Variants in FAT4 observed in about 807,000 individuals in gnomAD.
The protein encoded by FAT4 is FAT atypical cadherin 4.
In FAT4, 84 loss-of-function variants were observed where a neutral mutation model predicts 303.9. The observed-to-expected ratio is 0.28, with a 90% CI of 0.23 to 0.33. FAT4 has a LOEUF of 0.33. Ranked by LOEUF, FAT4 falls within the 10% of genes least tolerant of loss-of-function variation. The probability of loss-of-function intolerance (pLI) is 1.00; values close to 1 mark genes in which losing one functional copy is unlikely to be tolerated. For missense variants in FAT4, 6,005 were observed against 6,146.8 expected (o/e 0.98, Z 0.77); for synonymous variants, 2,307 against 2,298.8 (o/e 1.00, Z -0.10).
rs567423522 is a variant in FAT4, at chr4:125,395,458, C to T, written c.5176-3326C>T. Among the ~76,000 whole-genome samples the T allele has an allele frequency of 1.4e-4, 21 of 152,064 alleles. No individual in the cohort carries two copies. The South Asian group carries it at 2.9e-3, about 21-fold the overall frequency. On this transcript the variant is annotated intron_variant, in intron 2 of 17. Transcript: ENST00000394329. ...CTGAGTAGCTGGGATTACAGGTGCA[C>T]GCCACCACGCCCAACTAATTTTTGT...
In FAT4 at chr4:125,451,779, A is replaced by G; in HGVS notation, c.10769A>G (p.Asp3590Gly). 6.2e-7 allele frequency: 1 copy of G among 1,614,178 alleles called. No homozygotes were observed. Among genetic ancestry groups the G allele is most frequent in the Non-Finnish European group, 8.5e-7 (1 of 1,180,020 alleles). Residue 3590 changes from aspartate to glycine, a missense_variant, in exon 10 of 18, where the codon GAT becomes GGT. Transcript: ENST00000394329. ...ADFYLSVVTK[D>G]SGVPQMSSTG... ...TTCTATCTGTCTGTGGTTACCAAGGATTCTGGTGTTCCTCAAATGTCTTCC... is the reference window on the plus strand; with the variant it reads ...TTCTATCTGTCTGTGGTTACCAAGGGTTCTGGTGTTCCTCAAATGTCTTCC...
intron 2 of FAT4, among the ~76,000 whole-genome samples, chr4:125,360,861 T>A (rs919199128): frequency 4.0e-5 from 6 of 150,524 alleles, no homozygotes; most frequent in Non-Finnish European, 8.9e-5. Context: ...ATTTCACAAA[T>A]TCTGGGATAA....
intron 2 of FAT4, among the ~76,000 whole-genome samples, chr4:125,333,948 C>T (rs1478557617): frequency 6.6e-6 from 1 of 152,090 alleles, no homozygotes; most frequent in Non-Finnish European, 1.5e-5. Flanking sequence ...AAGGTCAGAG[C>T]TCTAGGATGG....
At chr4:125,378,846 C>A (rs1167719637) in intron 2 of FAT4, among the ~76,000 whole-genome samples, 1 of 152,126 alleles carries the variant, frequency 6.6e-6, no homozygotes, top group Non-Finnish European at 1.5e-5. Flanking sequence ...AGGAAGTGCA[C>A]TGAACTGAGA....
intron 7 of FAT4, among the ~76,000 whole-genome samples, chr4:125,423,903 T>C (rs1724994086): frequency 6.6e-6 from 1 of 152,240 alleles, no homozygotes; most frequent in Non-Finnish European, 1.5e-5. Flanking sequence ...CAGGGGCCTG[T>C]AGCCCCTTCA....
At chr4:125,397,331 G>A (rs1734225619) in intron 2 of FAT4, among the ~76,000 whole-genome samples, 1 of 152,114 alleles carries the variant, frequency 6.6e-6, no homozygotes, top group Non-Finnish European at 1.5e-5. Flanking sequence ...GCTAATAAGT[G>A]TCAGACAGGA....
At chr4:125,480,725 CAT>C (rs1304801717) in intron 15 of FAT4, among the ~76,000 whole-genome samples, 3 of 151,914 alleles carry the variant, frequency 2.0e-5, no homozygotes, top group Non-Finnish European at 4.4e-5. Context: ...TATATACTGT[CAT>C]GTGATTTTCA....
intron 4 of FAT4, 36 bp from the exon 5 acceptor site, chr4:125,408,408 C>T: frequency 7.4e-7 from 1 of 1,359,638 alleles, no homozygotes; most frequent in Non-Finnish European, 1.0e-6. Flanking sequence ...CTTCTTACTT[C>T]CTTGATTTTA....
intron 16 of FAT4, 149 bp downstream of exon 16, chr4:125,481,887 A>G (rs368175478): frequency 5.6e-5 from 38 of 681,816 alleles, no homozygotes; most frequent in Middle Eastern, 8.1e-4. Context: ...CATCTATCTT[A>G]ACTATTCCCC....
At chr4:125,388,931 G>A (rs529947569) in intron 2 of FAT4, among the ~76,000 whole-genome samples, 2 of 152,112 alleles carry the variant, frequency 1.3e-5, no homozygotes, top group African/African-American at 2.4e-5. Flanking sequence ...AGTAAGAAAT[G>A]CATCAAAATC....
chr4:125,446,351 A>G lies in FAT4; in HGVS notation c.7258A>G (p.Ile2420Val). The G allele has an allele frequency of 1.2e-6, 2 of 1,613,292 alleles. No individual in the cohort carries two copies. Among genetic ancestry groups the G allele is most frequent in the Non-Finnish European group, 1.7e-6 (2 of 1,179,314 alleles). Reference protein sequence around the residue: ...FTINPSTGQIITSALLDRETK... With the variant: ...FTINPSTGQIVTSALLDRETK... ...GATCAACCCATCGACAGGACAAATC[A>G]TCACCAGCGCATTGTTAGATAGGGA... The change falls in exon 9 of 18, where the codon ATC becomes GTC. Residue 2420 changes from isoleucine to valine, a missense_variant. Transcript: ENST00000394329.
chr4:125,477,273 G>T lies in FAT4; in HGVS notation c.12418G>T (p.Ala4140Ser). 1 of 1,584,054 alleles carries T rather than the reference G, an allele frequency of 6.3e-7. No homozygotes were observed. The highest frequency in any genetic ancestry group is 2.3e-5 in the East Asian group (1 of 43,308). The stretch of plus-strand genomic sequence containing the variant: ...TTTTGTTGGGTGTATAATGGAGTTT[G>T]CAGTCAATGGAAGGCCTCTGGAACC... ...HDFVGCIMEF[A>S]VNGRPLEPSQ... Residue 4140 changes from alanine (A) to serine (S), a missense_variant, in exon 14 of 18, where the codon GCA becomes TCA. By Grantham distance (99) the Ala-to-Ser change is moderately conservative (BLOSUM62 1). Coordinates refer to ENST00000394329, the MANE Select transcript of FAT4 (RefSeq NM_001291303.3).
chr4:125,355,033 G>A (rs1187617086), intron 2 of FAT4, among the ~76,000 whole-genome samples: 2 of 151,770 alleles, frequency 1.3e-5, no homozygotes, highest in African/African-American at 4.8e-5. Context: ...GAGAAATTTA[G>A]TATAGCCTCT....
intron 7 of FAT4, among the ~76,000 whole-genome samples, chr4:125,428,618 A>G (rs1725178981): frequency 6.6e-6 from 1 of 152,196 alleles, no homozygotes; most frequent in African/African-American, 2.4e-5. Flanking sequence ...TGAAAACTGA[A>G]GAAGAATTTT....
Position 125,477,974 on chromosome 4 carries a change from CTT to C in FAT4, c.12479+641_12479+642del, listed in dbSNP as rs1727091526. ...ATCTAACCACCCAGAGACAACTACT[CTT>C]AGGTTATTGTCATGTTTTGACTGCT... On this transcript the variant is annotated intron_variant, in intron 14 of 17. Coordinates refer to ENST00000394329, the MANE Select transcript of FAT4 (RefSeq NM_001291303.3). Among the ~76,000 whole-genome samples the C allele has an allele frequency of 2.6e-5, 4 of 152,080 alleles. No homozygotes were observed. The South Asian group carries it at 8.3e-4, about 31-fold the overall frequency.
At chr4:125,440,694 C>T (rs562673346) in intron 8 of FAT4, among the ~76,000 whole-genome samples, 42 of 149,294 alleles carry the variant, frequency 2.8e-4, no homozygotes, top group Middle Eastern at 6.9e-3. Context: ...ACCTCCAAAT[C>T]TGTACTATCA....
chr4:125,438,696 A>G (rs73849218), intron 8 of FAT4, among the ~76,000 whole-genome samples: 23,257 of 152,168 alleles, frequency 0.15, 1,950 homozygotes, highest in South Asian at 0.27. Flanking sequence ...ATTTTCACAG[A>G]CAAAGTAAAT....
intron 2 of FAT4, among the ~76,000 whole-genome samples, chr4:125,330,374 A>G (rs1228403095): frequency 6.6e-6 from 1 of 152,008 alleles, no homozygotes; most frequent in Non-Finnish European, 1.5e-5. Flanking sequence ...ACCAATTTCT[A>G]CTTATCTCCT....
chr4:125,449,941 C>T lies in FAT4; in HGVS notation c.8931C>T (p.Asp2977=). The T allele has an allele frequency of 6.2e-7, 1 of 1,613,740 alleles. No homozygotes were observed. Among genetic ancestry groups the T allele is most frequent in the South Asian group, 1.1e-5 (1 of 91,036 alleles). ...SETTVTINIV[D]SNDNAPQFLK... The stretch of plus-strand genomic sequence containing the variant: ...CAACAGTTACCATCAATATAGTGGA[C>T]AGTAATGACAATGCACCTCAATTTC... Residue 2977 remains aspartate (D), a synonymous_variant, in exon 10 of 18, where the codon GAC becomes GAT. Coordinates refer to ENST00000394329, the MANE Select transcript of FAT4 (RefSeq NM_001291303.3).
Sources: gnomAD v4.1 joint callset for allele counts (sites outside exome capture counted in the v4.1 genomes callset) on GRCh38, gnomAD v4.1.1 for gene constraint, MANE v1.5 for transcripts, NCBI Gene and HGNC (gene_info 2026-07-23, HGNC 2026-07-21) for gene names.